RTP5: variants seen among roughly 807,000 people sequenced by gnomAD.
RTP5 encodes the protein receptor-transporting protein 5.
Under a neutral mutation model 23.5 loss-of-function variants are expected in RTP5, and 30 were observed. That is an observed-to-expected ratio of 1.27 (90% confidence interval 0.95 to 1.73). The LOEUF (loss-of-function observed/expected upper bound fraction) is 1.73, where lower values mean the gene tolerates loss of function less well. Among genes scored for constraint, RTP5 ranks in the 40% most tolerant of loss-of-function variants. The pLI, the probability that RTP5 is intolerant of heterozygous loss-of-function variation, is 0.00. For synonymous variants in RTP5, 354 were observed against 342.1 expected (o/e 1.03, Z -0.38); for missense variants, 807 against 784.2 (o/e 1.03, Z -0.35).
Position 241,872,765 on chromosome 2 carries a change from G to A in RTP5, c.1210G>A (p.Ala404Thr), listed in dbSNP as rs548601957. Residue 404 changes from alanine to threonine, a missense_variant, in exon 2 of 2, where the codon GCC becomes ACC. Physicochemically the swap from Ala to Thr is moderately conservative, Grantham distance 58. Coordinates refer to ENST00000343216, the MANE Select transcript of RTP5 (RefSeq NM_173821.3). ...GGGCCTCGTCCCAGTGGGTCACGAC[G>A]CCCTGCCAGAGACCAATGCTGGTGG... ...GQGLVPVGHD[A>T]LPETNAGGLP... 2.5e-6 allele frequency: 4 copies of A among 1,600,064 alleles called. No homozygotes were observed. Among genetic ancestry groups the A allele is most frequent in the East Asian group, 2.2e-5 (1 of 44,582 alleles).
rs763114695 is a variant in RTP5, at chr2:241,872,696, G to A, written c.1141G>A (p.Val381Ile). 24 of 1,601,694 alleles carry A rather than the reference G, an allele frequency of 1.5e-5. No homozygotes were observed. The highest frequency in any genetic ancestry group is 1.6e-5 in the Non-Finnish European group (19 of 1,174,028). The part of the protein sequence containing the change: ...PFIFTDVKDA[V>I]AEVAEGNGKE... ...CATCTTTACTGATGTCAAGGATGCC[G>A]TTGCTGAGGTGGCTGAAGGCAACGG... The change falls in exon 2 of 2, where the codon GTT becomes ATT. Residue 381 changes from valine to isoleucine, a missense_variant. By Grantham distance (29) the Val-to-Ile change is conservative. Transcript: ENST00000343216.
chr2:241,872,182 G>T lies in RTP5; in HGVS notation c.627G>T (p.Val209=), dbSNP rs776741321. Reference sequence around the variant, plus strand: ...TCATCGCCATCCCCTTCTCCCTTGTGGGTACCAGCAATGACCAGGTGCCCA... The same window carrying T: ...TCATCGCCATCCCCTTCTCCCTTGTTGGTACCAGCAATGACCAGGTGCCCA... ...GVVIAIPFSL[V]GTSNDQVPIA... The change falls in exon 2 of 2, where the codon GTG becomes GTT. Residue 209 remains valine, a synonymous_variant. Transcript: ENST00000343216. The T allele has an allele frequency of 6.2e-7, 1 of 1,612,434 alleles. No individual in the cohort carries two copies. Among genetic ancestry groups the T allele is most frequent in the Admixed American group, 1.7e-5 (1 of 60,004 alleles).
At chr2:241,870,700 G>C (rs978119112) in intron 1 of RTP5, among the ~76,000 whole-genome samples, 5 of 152,256 alleles carry the variant, frequency 3.3e-5, no homozygotes, top group African/African-American at 1.2e-4. Flanking sequence ...GAAGTGCTGG[G>C]AAGCACATCA....
rs1701284695 is a variant in RTP5 at position 241,869,931 on chromosome 2, G to A, written c.158+17G>A. 2 of 1,485,492 alleles carry A rather than the reference G, an allele frequency of 1.3e-6. No homozygotes were observed. Among genetic ancestry groups the A allele is most frequent in the East Asian group, 2.7e-5 (1 of 37,606 alleles). The allele number at this position is 1,485,492 out of a possible 1,614,324, so 92.0% of individuals were successfully genotyped here. ...GCTCTCGAGGTGCGGCCAGAGGTTG[G>A]GGACCCTGGGAGAGGCAGGGGGCTG... is the stretch of plus-strand genomic sequence containing the variant. On this transcript the variant is annotated intron_variant, in intron 1 of 1. Transcript: ENST00000343216.
In RTP5 at chr2:241,872,734, C is replaced by T. The variant is rs753504231; in HGVS notation, c.1179C>T (p.Gly393=). Residue 393 remains glycine, a synonymous_variant, in exon 2 of 2, where the codon GGC becomes GGT. Transcript: ENST00000343216. ...EVAEGNGKEG[G]GQGLVPVGHD... ...CTGAAGGCAACGGGAAGGAAGGAGG[C>T]GGCCAGGGCCTCGTCCCAGTGGGTC... 6.3e-6 allele frequency: 10 copies of T among 1,593,780 alleles called. No homozygotes were observed. The highest frequency in any genetic ancestry group is 2.7e-5 in the African/African-American group (2 of 74,226).
At position 241,873,078 on chromosome 2, in the gene RTP5, G is replaced by C; in HGVS notation, c.1523G>C (p.Arg508Thr). 6.2e-6 allele frequency: 10 copies of C among 1,612,922 alleles called. No individual in the cohort carries two copies. The highest frequency in any genetic ancestry group is 7.6e-6 in the Non-Finnish European group (9 of 1,179,942). The stretch of plus-strand genomic sequence containing the variant: ...TTCTCCCAAGGCTATTACCAGAAGA[G>C]GCAGCTGAGGTCCAGGTTCCACAAG... Reference protein sequence around the residue: ...GCFSQGYYQKRQLRSRFHKAR... With the variant: ...GCFSQGYYQKTQLRSRFHKAR... The change falls in exon 2 of 2, where the codon AGG becomes ACG. Residue 508 changes from arginine to threonine, a missense_variant. Arg to Thr is a moderately conservative substitution (Grantham distance 71). Transcript: ENST00000343216.
intron 1 of RTP5, among the ~76,000 whole-genome samples, chr2:241,870,620 G>A (rs1296332578): frequency 6.6e-6 from 1 of 152,258 alleles, no homozygotes; most frequent in African/African-American, 2.4e-5. Flanking sequence ...TGAGACCCCT[G>A]GGGCCAGGTG....
rs111741820 is a variant in RTP5, at chr2:241,871,836, G to A, written c.281G>A (p.Cys94Tyr). ...LVKMRIWGQR[C>Y]RLCPAPGDCQ... is the part of the protein sequence containing the mutation. The stretch of plus-strand genomic sequence containing the variant: ...AAGATGCGCATCTGGGGCCAGCGGT[G>A]CAGGCTGTGCCCCGCACCCGGGGAC... Residue 94 changes from cysteine (C) to tyrosine (Y), a missense_variant, in exon 2 of 2, where the codon TGC (cysteine) becomes TAC (tyrosine). Transcript: ENST00000343216. 6 of 1,552,576 alleles carry A rather than the reference G, an allele frequency of 3.9e-6. No individual in the cohort carries two copies. Among genetic ancestry groups the A allele is most frequent in the Non-Finnish European group, 5.2e-6 (6 of 1,148,796 alleles).
At position 241,873,320 on chromosome 2, in the gene RTP5, C is replaced by T. The variant is rs1301883294; in HGVS notation, c.*46C>T. On this transcript the variant is annotated 3_prime_UTR_variant, in exon 2 of 2. Transcript: ENST00000343216. ...CCTCGCCTCTGGGACCCCGCCTCGCCTCTGAGACACCCCCCAACCCCGCCT... is the reference window on the plus strand; with the variant it reads ...CCTCGCCTCTGGGACCCCGCCTCGCTTCTGAGACACCCCCCAACCCCGCCT... The T allele has an allele frequency of 6.5e-7, 1 of 1,528,480 alleles. No individual in the cohort carries two copies. The highest frequency in any genetic ancestry group is 1.4e-5 in the African/African-American group (1 of 72,818). The allele number at this position is 1,528,480 out of a possible 1,614,324, so 94.7% of individuals were successfully genotyped here. A position where few individuals can be genotyped will look rare whatever the true frequency, so the allele number is the denominator to read the frequency against.
intron 1 of RTP5, among the ~76,000 whole-genome samples, chr2:241,870,775 C>T (rs1036711000): frequency 4.6e-5 from 7 of 152,346 alleles, no homozygotes; most frequent in African/African-American, 1.7e-4. Flanking sequence ...GAACTGAGGA[C>T]GGCTGCCCCA....
At chr2:241,870,466 G>T (rs1701297302) in intron 1 of RTP5, among the ~76,000 whole-genome samples, 1 of 152,268 alleles carries the variant, frequency 6.6e-6, no homozygotes, top group African/African-American at 2.4e-5. Context: ...CCGGGTGCCA[G>T]CTGGGAGGGG....
chr2:241,870,065 C>A, intron 1 of RTP5, 151 bp downstream of exon 1: 1 of 836,278 alleles, frequency 1.2e-6, no homozygotes, highest in South Asian at 2.5e-5. Context: ...CTTCTCCCGC[C>A]GGAGCCCCTG....
rs749246212 is a variant in RTP5, at chr2:241,872,405, G to C, written c.850G>C (p.Glu284Gln). The change falls in exon 2 of 2, where the codon GAG becomes CAG. Residue 284 changes from glutamate (E) to glutamine (Q), a missense_variant. By Grantham distance (29) the Glu-to-Gln change is conservative (BLOSUM62 2). Transcript: ENST00000343216. ...CCTCGGCAGCAGCATCCAGACCTTC[G>C]AGCTCAAGGGCTTCCTCTTCAAAGG... ...GLLGSSIQTF[E>Q]LKGFLFKGRG... 2 of 1,612,324 alleles carry C rather than the reference G, an allele frequency of 1.2e-6. No individual in the cohort carries two copies. The highest frequency in any genetic ancestry group is 1.7e-6 in the Non-Finnish European group (2 of 1,179,824).
chr2:241,869,864 G>C lies in RTP5; in HGVS notation c.108G>C (p.Pro36=), dbSNP rs777977897. The C allele has an allele frequency of 1.3e-6, 2 of 1,587,610 alleles. No homozygotes were observed. The highest frequency in any genetic ancestry group is 2.3e-5 in the South Asian group (2 of 87,606). ...TGCTACCTGAGCACAGCCTGGTCCC[G>C]GGATGCCTGGACGGCGGTGGTGTCC... The part of the protein sequence containing the change: ...WVLLPEHSLV[P]GCLDGGGVQY... The change falls in exon 1 of 2, where the codon CCG becomes CCC. Residue 36 remains proline, a synonymous_variant. Transcript: ENST00000343216.
At chr2:241,871,410 T>TGACA in intron 1 of RTP5, among the ~76,000 whole-genome samples, 1 of 152,332 alleles carries the variant, frequency 6.6e-6, no homozygotes, top group East Asian at 1.9e-4. Context: ...GGAGGTTTGC[T>TGACA]TTGCTTCTCA....
In RTP5 at chr2:241,872,567, T is replaced by C. The variant is rs202185531; in HGVS notation, c.1012T>C (p.Ser338Pro). ...GGGCCTCTCGGCCAGCGGGGAGGGCTCCCTCACCTTCCCCTCCTCCCTCAC... is the reference window on the plus strand; with the variant it reads ...GGGCCTCTCGGCCAGCGGGGAGGGCCCCCTCACCTTCCCCTCCTCCCTCAC... The part of the protein sequence containing the change: ...CVGLSASGEG[S>P]LTFPSSLTSI... The change falls in exon 2 of 2, where the codon TCC becomes CCC. Residue 338 changes from serine (S) to proline (P), a missense_variant. Physicochemically the swap from Ser to Pro is moderately conservative, Grantham distance 74. Transcript: ENST00000343216. 1.0e-4 allele frequency: 160 copies of C among 1,537,464 alleles called. 1 individual carries two copies. Among genetic ancestry groups the C allele is most frequent in the Middle Eastern group, 5.3e-4 (3 of 5,694 alleles).
In RTP5 at chr2:241,872,835, C is replaced by T; in HGVS notation, c.1280C>T (p.Ala427Val). Residue 427 changes from alanine to valine, a missense_variant, in exon 2 of 2, where the codon GCT becomes GTT. Ala to Val is a moderately conservative substitution (Grantham distance 64). Coordinates refer to ENST00000343216, the MANE Select transcript of RTP5 (RefSeq NM_173821.3). ...VKGSLALPFP[A>V]DVQGKDAFTD... The stretch of plus-strand genomic sequence containing the variant: ...GGCTCCCTTGCCCTCCCCTTCCCTG[C>T]TGATGTCCAAGGCAAAGATGCCTTT... The T allele has an allele frequency of 6.2e-7, 1 of 1,612,588 alleles. No individual in the cohort carries two copies. Among genetic ancestry groups the T allele is most frequent in the Non-Finnish European group, 8.5e-7 (1 of 1,179,946 alleles).
chr2:241,873,335 C>G lies in RTP5; in HGVS notation c.*61C>G. 1 of 1,505,158 alleles carries G rather than the reference C, an allele frequency of 6.6e-7. No individual in the cohort carries two copies. The highest frequency in any genetic ancestry group is 1.4e-5 in the African/African-American group (1 of 71,374). The allele number at this position is 1,505,158 out of a possible 1,614,324, so 93.2% of individuals were successfully genotyped here. A position where few individuals can be genotyped will look rare whatever the true frequency, so the allele number is the denominator to read the frequency against. On this transcript the variant is annotated 3_prime_UTR_variant, in exon 2 of 2. Transcript: ENST00000343216. ...CCCGCCTCGCCTCTGAGACACCCCC[C>G]AACCCCGCCTTTGAGATGCCCGCCC...
Position 241,872,628 on chromosome 2 carries a change from A to G in RTP5, c.1073A>G (p.Asp358Gly), listed in dbSNP as rs757102998. The change falls in exon 2 of 2, where the codon GAT (aspartate) becomes GGT (glycine). Residue 358 changes from aspartate (D) to glycine (G), a missense_variant. Coordinates refer to ENST00000343216, the MANE Select transcript of RTP5 (RefSeq NM_173821.3). ...ACCAACACCCTCTCGGAGCCCACCG[A>G]TGGCCCTGTGGCCACTAAAGAGGCC... ...IFTNTLSEPT[D>G]GPVATKEASI... The G allele has an allele frequency of 1.3e-6, 2 of 1,556,938 alleles. No homozygotes were observed. Among genetic ancestry groups the G allele is most frequent in the Non-Finnish European group, 1.7e-6 (2 of 1,152,682 alleles).
Sources: gnomAD v4.1 joint callset for allele counts (sites outside exome capture counted in the v4.1 genomes callset) on GRCh38, gnomAD v4.1.1 for gene constraint, MANE v1.5 for transcripts, NCBI Gene and HGNC (gene_info 2026-07-23, HGNC 2026-07-21) for gene names.